ENTREP2: variants seen among roughly 807,000 people sequenced by gnomAD.
The protein encoded by ENTREP2 is endosomal transmembrane epsin interactor 2, also known as protein ENTREP2.
chr15:29,492,936 G>A, the ENTREP2 span, among the ~76,000 whole-genome samples: 19 of 151,502 alleles, frequency 1.3e-4, no homozygotes, highest in Admixed American at 3.9e-4. Context: ...CCCTGGAAGC[G>A]GAGGTTGCAG....
chr15:29,539,810 C>T, the ENTREP2 span, among the ~76,000 whole-genome samples: 1 of 152,154 alleles, frequency 6.6e-6, no homozygotes, highest in African/African-American at 2.4e-5. Context: ...CACATCCTGC[C>T]CAGAGCAGCC....
the ENTREP2 span, among the ~76,000 whole-genome samples, chr15:29,596,737 A>G: frequency 0.72 from 108,665 of 151,882 alleles, 39,035 homozygotes; most frequent in South Asian, 0.8. Context: ...GTATGATCTC[A>G]GCTCACTGCA....
the ENTREP2 span, among the ~76,000 whole-genome samples, chr15:29,359,655 C>A: frequency 6.6e-6 from 1 of 152,124 alleles, no homozygotes; most frequent in Admixed American, 6.5e-5. Context: ...TCGTGATCTG[C>A]CCACCTCAGC....
the ENTREP2 span, among the ~76,000 whole-genome samples, chr15:29,657,147 C>T: frequency 1.3e-3 from 193 of 152,156 alleles, no homozygotes; most frequent in African/African-American, 4.3e-3. Flanking sequence ...TCCCCCGTTC[C>T]GGCCATTCTC....
At chr15:29,209,039 GAGA>G in the ENTREP2 span, among the ~76,000 whole-genome samples, 1 of 152,154 alleles carries the variant, frequency 6.6e-6, no homozygotes, top group Non-Finnish European at 1.5e-5. Context: ...GAGTGACTGG[GAGA>G]AGGAGGGGCG....
chr15:29,252,303 A>T, the ENTREP2 span: 1 of 965,346 alleles, frequency 1.0e-6, no homozygotes, highest in Admixed American at 2.5e-5. Context: ...ATTATTTTTA[A>T]AATTGCTCTT....
chr15:29,666,275 C>T, the ENTREP2 span, among the ~76,000 whole-genome samples: 1 of 152,144 alleles, frequency 6.6e-6, no homozygotes, highest in Non-Finnish European at 1.5e-5. Context: ...ACCTTCATCC[C>T]AGCAGGGGTG....
chr15:29,256,823 A>G, the ENTREP2 span, among the ~76,000 whole-genome samples: 1 of 152,094 alleles, frequency 6.6e-6, no homozygotes, highest in Non-Finnish European at 1.5e-5. Flanking sequence ...CCTCCCATTT[A>G]TTAATAGGCA....
chr15:29,159,410 T>C, the ENTREP2 span, among the ~76,000 whole-genome samples: 87,646 of 151,626 alleles, frequency 0.58, 25,432 homozygotes, highest in East Asian at 0.71. Context: ...AACAGCATAA[T>C]AACAAAGCTT....
At chr15:29,664,142 A>G in the ENTREP2 span, among the ~76,000 whole-genome samples, 1 of 152,284 alleles carries the variant, frequency 6.6e-6, no homozygotes, top group Admixed American at 6.5e-5. Context: ...TTTGTGCTAT[A>G]AACGTTAAGT....
chr15:29,567,342 T>G, the ENTREP2 span, among the ~76,000 whole-genome samples: 1 of 152,174 alleles, frequency 6.6e-6, no homozygotes, highest in African/African-American at 2.4e-5. Context: ...ATCTTCACCT[T>G]TCCAGGCATG....
chr15:29,440,693 GA>G, the ENTREP2 span, among the ~76,000 whole-genome samples: 1 of 152,150 alleles, frequency 6.6e-6, no homozygotes, highest in South Asian at 2.1e-4. Context: ...GGCCCAGGAT[GA>G]CAAGGGGCCT....
chr15:29,335,926 C>A, the ENTREP2 span, among the ~76,000 whole-genome samples: 5 of 151,812 alleles, frequency 3.3e-5, no homozygotes, highest in Admixed American at 2.6e-4. Flanking sequence ...TGGATCACAA[C>A]GTCAGGAGAT....
At chr15:29,609,065 A>C in the ENTREP2 span, among the ~76,000 whole-genome samples, 1 of 136,730 alleles carries the variant, frequency 7.3e-6, no homozygotes, top group Non-Finnish European at 1.6e-5. Context: ...CCCAGATACC[A>C]TGCAACTCTT....
At chr15:29,288,020 G>T in the ENTREP2 span, among the ~76,000 whole-genome samples, 1 of 152,174 alleles carries the variant, frequency 6.6e-6, no homozygotes, top group African/African-American at 2.4e-5. Flanking sequence ...TGAATAAATA[G>T]CCCAGGATCA....
chr15:29,542,085 T>C, the ENTREP2 span, among the ~76,000 whole-genome samples: 1 of 152,220 alleles, frequency 6.6e-6, no homozygotes, highest in African/African-American at 2.4e-5. Flanking sequence ...CTCGGTTCAC[T>C]GCAACCTCTG....
chr15:29,143,989 C>A, the ENTREP2 span, among the ~76,000 whole-genome samples: 1 of 152,168 alleles, frequency 6.6e-6, no homozygotes, highest in African/African-American at 2.4e-5. Context: ...TAACACATTT[C>A]GCCTGGAACT....
the ENTREP2 span, among the ~76,000 whole-genome samples, chr15:29,360,833 C>G: frequency 6.6e-6 from 1 of 152,180 alleles, no homozygotes; most frequent in Non-Finnish European, 1.5e-5. Context: ...AGAGTATGTC[C>G]AGGAAGCACT....
chr15:29,662,352 A>G, the ENTREP2 span, among the ~76,000 whole-genome samples: 1 of 152,274 alleles, frequency 6.6e-6, no homozygotes, highest in Non-Finnish European at 1.5e-5. Context: ...ATATACATCC[A>G]AAAGTTTTGG....
Sources: gnomAD v4.1 joint callset for allele counts (sites outside exome capture counted in the v4.1 genomes callset) on GRCh38, gnomAD v4.1.1 for gene constraint, MANE v1.5 for transcripts, NCBI Gene and HGNC (gene_info 2026-07-23, HGNC 2026-07-21) for gene names.